PDRG1: variants seen among roughly 807,000 people sequenced by gnomAD.
PDRG1 encodes p53 and DNA damage-regulated protein 1.
In PDRG1, 14 loss-of-function variants were observed where a neutral mutation model predicts 18.4. That is an observed-to-expected ratio of 0.76 (90% confidence interval 0.50 to 1.19). The LOEUF (loss-of-function observed/expected upper bound fraction) is 1.19. PDRG1 is among the 50% of genes most tolerant of loss of function. The pLI is 0.00. For synonymous variants in PDRG1, 65 were observed against 60.9 expected (o/e 1.07, Z -0.31); for missense variants, 177 against 160.1 (o/e 1.11, Z -0.57).
Position 31,944,660 on chromosome 20 carries a change from T to G in PDRG1, c.*1147A>C, listed in dbSNP as rs1002704865. 6.6e-6 allele frequency: 1 copy of G among 152,250 alleles called. No homozygotes were observed. Among genetic ancestry groups the G allele is most frequent in the Non-Finnish European group, 1.5e-5 (1 of 68,044 alleles). The allele number at this position is 152,250 out of a possible 1,614,324, so 9.4% of individuals were successfully genotyped here. A position where few individuals can be genotyped will look rare whatever the true frequency, so the allele number is the denominator to read the frequency against. ...CCCACACTCATGTTTTAAAAGTTTC[T>G]GCATTAGTCAAAAATATTTAAAAGG... On this transcript the variant is annotated 3_prime_UTR_variant, in exon 5 of 5. Coordinates refer to ENST00000202017, the MANE Select transcript of PDRG1 (RefSeq NM_030815.3).
At chr20:31,950,144 C>T (rs548989283) in intron 2 of PDRG1, among the ~76,000 whole-genome samples, 168 bp downstream of exon 2, 18 of 152,310 alleles carry the variant, frequency 1.2e-4, no homozygotes, top group African/African-American at 4.1e-4. Context: ...ACAGTCTGTG[C>T]CAGAACTGCA....
chr20:31,946,430 T>C (rs1385918065), intron 4 of PDRG1, 66 bp downstream of exon 4: 1 of 1,431,090 alleles, frequency 7.0e-7, no homozygotes, highest in Non-Finnish European at 9.9e-7. Flanking sequence ...TTCCCATCCC[T>C]GCCCTTCAAA....
rs2064311097 is a variant in PDRG1, at chr20:31,945,723, G to A, written c.*84C>T. 2 of 1,118,654 alleles carry A rather than the reference G, an allele frequency of 1.8e-6. No individual in the cohort carries two copies. The highest frequency in any genetic ancestry group is 1.6e-5 in the African/African-American group (1 of 64,248). The allele number at this position is 1,118,654 out of a possible 1,614,324, so 69.3% of individuals were successfully genotyped here. A position where few individuals can be genotyped will look rare whatever the true frequency, so the allele number is the denominator to read the frequency against. On this transcript the variant is annotated 3_prime_UTR_variant, in exon 5 of 5. Transcript: ENST00000202017. ...GCTGGCCCCTTACAGGGCAGATCCT[G>A]TCCTTACAGGTGTCAAGGTTGGAGG...
chr20:31,946,206 G>T (rs1292659447), intron 4 of PDRG1, among the ~76,000 whole-genome samples: 2 of 152,216 alleles, frequency 1.3e-5, no homozygotes, highest in East Asian at 3.9e-4. Flanking sequence ...AGTTTCCTCA[G>T]TCAGAGCTAT....
At position 31,946,503 on chromosome 20, in the gene PDRG1, C is replaced by A. The variant is rs371867519; in HGVS notation, c.312G>T (p.Glu104Asp). 5 of 1,608,036 alleles carry A rather than the reference C, an allele frequency of 3.1e-6. No individual in the cohort carries two copies. The highest frequency in any genetic ancestry group is 4.3e-6 in the Non-Finnish European group (5 of 1,174,496). Reference protein sequence around the residue: ...QLKVKVNRLFEAQGKPELKGF... With the variant: ...QLKVKVNRLFDAQGKPELKGF... Reference sequence around the variant, plus strand: ...TCCCTGCTAAGCCAATACCTTGGGCCTCAAAAAGGCGGTTGACCTTCACTT... The same window carrying A: ...TCCCTGCTAAGCCAATACCTTGGGCATCAAAAAGGCGGTTGACCTTCACTT... Residue 104 changes from glutamate to aspartate, a missense_variant, in exon 4 of 5, where the codon GAG (glutamate) becomes GAT (aspartate). By Grantham distance (45) the Glu-to-Asp change is conservative (BLOSUM62 2). Transcript: ENST00000202017.
In PDRG1 at chr20:31,945,670, A is replaced by G; in HGVS notation, c.*137T>C. On this transcript the variant is annotated 3_prime_UTR_variant, in exon 5 of 5. Transcript: ENST00000202017. ...ATCACAGAGTAGCCAAGCACTACAA[A>G]GAGGTTTTCATGGCCAGATTCCTGA... 3.1e-6 allele frequency: 2 copies of G among 643,614 alleles called. No homozygotes were observed. The highest frequency in any genetic ancestry group is 4.1e-5 in the South Asian group (2 of 49,148). The allele number at this position is 643,614 out of a possible 1,614,324, so 39.9% of individuals were successfully genotyped here.
At chr20:31,948,232 T>A (rs1047338941) in intron 3 of PDRG1, among the ~76,000 whole-genome samples, 20 of 152,218 alleles carry the variant, frequency 1.3e-4, no homozygotes, top group Admixed American at 2.0e-4. Flanking sequence ...CTTGCAGCTA[T>A]GGGTGACCAT....
Position 31,945,054 on chromosome 20 carries a change from G to A in PDRG1, c.*753C>T, listed in dbSNP as rs116251021. The A allele has an allele frequency of 3.9e-3, 599 of 152,330 alleles. 7 individuals are homozygous for A. Among genetic ancestry groups the A allele is most frequent in the African/African-American group, 0.014 (576 of 41,560 alleles). 9.4% of individuals were successfully genotyped at this position (152,330 alleles called of 1,614,324 possible). ...ATACTGGGACCTCAGACCACTGAAG[G>A]CAGACAGTAACGAGCAGTGCTGGCC... On this transcript the variant is annotated 3_prime_UTR_variant, in exon 5 of 5. Transcript: ENST00000202017.
intron 4 of PDRG1, 21 bp from the exon 5 acceptor site, chr20:31,945,910 T>A: frequency 1.2e-6 from 2 of 1,604,388 alleles, no homozygotes; most frequent in Non-Finnish European, 1.7e-6. Flanking sequence ...AGATGATCCA[T>A]CAGCACGTCG....
At chr20:31,950,942 A>G (rs1472103565) in intron 1 of PDRG1, among the ~76,000 whole-genome samples, 1 of 152,186 alleles carries the variant, frequency 6.6e-6, no homozygotes, top group Non-Finnish European at 1.5e-5. Context: ...CAAGCTGTGT[A>G]ATTTCACCTT....
intron 3 of PDRG1, among the ~76,000 whole-genome samples, chr20:31,947,543 T>C (rs1248251520): frequency 1.3e-5 from 2 of 152,208 alleles, no homozygotes; most frequent in Admixed American, 6.5e-5. Context: ...GTGTATTTTT[T>C]CAACACAACA....
In PDRG1 at chr20:31,945,656, G is replaced by T; in HGVS notation, c.*151C>A. The T allele has an allele frequency of 1.7e-6, 1 of 581,030 alleles. No individual in the cohort carries two copies. Among genetic ancestry groups the T allele is most frequent in the Non-Finnish European group, 3.0e-6 (1 of 336,644 alleles). 36.0% of individuals were successfully genotyped at this position (581,030 alleles called of 1,614,324 possible). On this transcript the variant is annotated 3_prime_UTR_variant, in exon 5 of 5. Coordinates refer to ENST00000202017, the MANE Select transcript of PDRG1 (RefSeq NM_030815.3). ...GGTTCCCTCCTGCCATCACAGAGTA[G>T]CCAAGCACTACAAAGAGGTTTTCAT... is the stretch of plus-strand genomic sequence containing the variant.
chr20:31,948,288 G>A (rs1374925972), intron 3 of PDRG1, among the ~76,000 whole-genome samples: 1 of 152,208 alleles, frequency 6.6e-6, no homozygotes, highest in Non-Finnish European at 1.5e-5. Flanking sequence ...AGTCCCTGAG[G>A]AGATGGCCTT....
Position 31,951,412 on chromosome 20 carries a change from C to A in PDRG1, c.87+463G>T, listed in dbSNP as rs1237071473. Among the ~76,000 whole-genome samples, 4 of 152,132 alleles carry A rather than the reference C, an allele frequency of 2.6e-5. No homozygotes were observed. The East Asian group carries it at 7.7e-4, about 29-fold the overall frequency. ...TCCTTTTAAAACCTAAATCCAATTA[C>A]GTCACCCTCCTTCCCCCAGGAACTC... On this transcript the variant is annotated intron_variant, in intron 1 of 4. Transcript: ENST00000202017.
chr20:31,948,674 AC>A (rs1473495502), intron 3 of PDRG1, 133 bp downstream of exon 3: 1 of 767,948 alleles, frequency 1.3e-6, no homozygotes, highest in Non-Finnish European at 2.1e-6. Flanking sequence ...TGGAATTAAA[AC>A]CCACAGCAGT....
chr20:31,946,082 G>A (rs1183355950), intron 4 of PDRG1, among the ~76,000 whole-genome samples, 193 bp from the exon 5 acceptor site: 3 of 152,158 alleles, frequency 2.0e-5, no homozygotes, highest in Non-Finnish European at 2.9e-5. Flanking sequence ...CTGCAAACGC[G>A]TAACTCTGCT....
chr20:31,946,604 G>A (rs777694149), intron 3 of PDRG1, 28 bp from the exon 4 acceptor site: 47 of 1,569,012 alleles, frequency 3.0e-5, no homozygotes, highest in Non-Finnish European at 3.9e-5. Flanking sequence ...GCAAGCAGAG[G>A]ATAAGATTGT....
intron 3 of PDRG1, among the ~76,000 whole-genome samples, chr20:31,947,854 C>T (rs564259815): frequency 1.3e-5 from 2 of 152,072 alleles, no homozygotes; most frequent in South Asian, 4.2e-4. Context: ...AGCACCATTG[C>T]ACTCCAGCCT....
chr20:31,945,987 C>T (rs984744800), intron 4 of PDRG1, 98 bp from the exon 5 acceptor site: 2 of 983,364 alleles, frequency 2.0e-6, no homozygotes, highest in Non-Finnish European at 3.1e-6. Flanking sequence ...CTGCCAAACT[C>T]AGCCTGGAGG....
Sources: allele counts gnomAD v4.1 joint callset (sites outside exome capture counted in the v4.1 genomes callset), GRCh38; gene constraint gnomAD v4.1.1; transcripts MANE v1.5; gene names NCBI Gene and HGNC (gene_info 2026-07-23, HGNC 2026-07-21).